The following CYB5R4 variants were observed in gnomAD, a reference collection of about 807,000 sequenced individuals.
The protein encoded by CYB5R4 is cytochrome b5 reductase 4.
In CYB5R4, 55 loss-of-function variants were observed where a neutral mutation model predicts 70.2. That is an observed-to-expected ratio of 0.78 (90% CI 0.63 to 0.98). The LOEUF (loss-of-function observed/expected upper bound fraction) is 0.98. Among genes scored for constraint, CYB5R4 ranks in the 50% least tolerant of loss-of-function variants. CYB5R4 has a pLI of 0.00. For missense variants in CYB5R4, 562 were observed against 612.6 expected (o/e 0.92, Z 0.87); for synonymous variants, 197 against 199.5 (o/e 0.99, Z 0.11).
chr6:83,891,222 C>T (rs187906085), intron 2 of CYB5R4, among the ~76,000 whole-genome samples: 2 of 152,282 alleles, frequency 1.3e-5, no homozygotes, highest in Admixed American at 1.3e-4. Flanking sequence ...ACTGGGATTA[C>T]AGGCATAAGC....
In CYB5R4 at chr6:83,933,048, T is replaced by TA. The variant is rs544333276; in HGVS notation, c.815-1546dup. Among the ~76,000 whole-genome samples, 398 of 152,336 alleles carry TA rather than the reference T, an allele frequency of 2.6e-3. 2 individuals are homozygous for TA. The highest frequency in any genetic ancestry group is 4.7e-3 in the Non-Finnish European group (318 of 68,030). On this transcript the variant is annotated intron_variant, in intron 10 of 15. Transcript: ENST00000369681. ...TATACATATATAGTATGTGGGTCTC[T>TA]AGTTGTATTCTTACTGTAGGTTCCA... is the stretch of plus-strand genomic sequence containing the variant.
At chr6:83,884,810 A>G (rs1259812069) in intron 2 of CYB5R4, among the ~76,000 whole-genome samples, 2 of 152,200 alleles carry the variant, frequency 1.3e-5, no homozygotes, top group Non-Finnish European at 2.9e-5. Flanking sequence ...ATACTGGCAT[A>G]ATATTTGGTA....
rs1245390077 is a variant in CYB5R4 at position 83,936,254 on chromosome 6, T to A, written c.986T>A (p.Val329Glu). Residue 329 changes from valine to glutamate, a missense_variant, in exon 12 of 16, where the codon GTA (valine) becomes GAA (glutamate). Coordinates refer to ENST00000369681, the MANE Select transcript of CYB5R4 (RefSeq NM_016230.4). ...GTEIVKPYTP[V>E]SGSLLSEFKE... ...GAAATAGTAAAGCCATATACACCTG[T>A]ATCTGGTTCCTTACTCTCAGAGTTC... The A allele has an allele frequency of 6.2e-7, 1 of 1,602,964 alleles. No homozygotes were observed. Among genetic ancestry groups the A allele is most frequent in the East Asian group, 2.2e-5 (1 of 44,574 alleles).
intron 15 of CYB5R4, among the ~76,000 whole-genome samples, chr6:83,958,015 A>T (rs571309238): frequency 1.6e-4 from 25 of 151,924 alleles, no homozygotes; most frequent in Non-Finnish European, 3.1e-4. Flanking sequence ...TGTGATGTCC[A>T]CTCCTAGAGT....
chr6:83,915,461 C>T (rs890913935), intron 5 of CYB5R4, among the ~76,000 whole-genome samples: 1 of 152,072 alleles, frequency 6.6e-6, no homozygotes, highest in African/African-American at 2.4e-5. Flanking sequence ...TCTTTGGTTT[C>T]GTCTGATGAT....
intron 2 of CYB5R4, among the ~76,000 whole-genome samples, chr6:83,878,351 A>AG (rs1293768212): frequency 2.2e-3 from 311 of 140,686 alleles, no homozygotes; most frequent in African/African-American, 9.1e-3. Flanking sequence ...TGTGTTTTGT[A>AG]AATTTTTTTT....
intron 2 of CYB5R4, among the ~76,000 whole-genome samples, chr6:83,873,396 C>A (rs1309536205): frequency 6.6e-6 from 1 of 151,594 alleles, no homozygotes; most frequent in Non-Finnish European, 1.5e-5. Context: ...CCGATCACCA[C>A]ACTCGGCTAA....
chr6:83,893,553 G>T lies in CYB5R4; in HGVS notation c.261G>T (p.Glu87Asp), dbSNP rs376929600. The change falls in exon 3 of 16, where the codon GAG (glutamate) becomes GAT (aspartate). Residue 87 changes from glutamate to aspartate, a missense_variant. By Grantham distance (45) the Glu-to-Asp change is conservative (BLOSUM62 2). Transcript: ENST00000369681. The stretch of plus-strand genomic sequence containing the variant: ...TTTATAATGTCAGCCCTTATATGGA[G>T]TATCATCCTGGTGGAGAAGATGAAC... The part of the protein sequence containing the change: ...GFVYNVSPYM[E>D]YHPGGEDELM... 6.2e-7 allele frequency: 1 copy of T among 1,612,712 alleles called. No individual in the cohort carries two copies. The highest frequency in any genetic ancestry group is 1.7e-5 in the Admixed American group (1 of 59,932).
At chr6:83,959,374 A>T (rs1322926847) in intron 15 of CYB5R4, among the ~76,000 whole-genome samples, 1 of 152,168 alleles carries the variant, frequency 6.6e-6, no homozygotes, top group Non-Finnish European at 1.5e-5. Flanking sequence ...AAATATGAGG[A>T]CATAAAGACA....
chr6:83,884,683 G>A (rs998079699), intron 2 of CYB5R4, among the ~76,000 whole-genome samples: 1 of 152,096 alleles, frequency 6.6e-6, no homozygotes, highest in Admixed American at 6.5e-5. Context: ...CAATCGACCT[G>A]TGCATTTCAA....
At chr6:83,861,377 G>A (rs887204468) in intron 1 of CYB5R4, among the ~76,000 whole-genome samples, 2 of 152,182 alleles carry the variant, frequency 1.3e-5, no homozygotes, top group Admixed American at 6.5e-5. Flanking sequence ...GGATGAAATG[G>A]GTAGAGGTTG....
intron 10 of CYB5R4, among the ~76,000 whole-genome samples, chr6:83,929,863 A>T (rs1284873926): frequency 2.0e-5 from 3 of 150,568 alleles, no homozygotes; most frequent in Non-Finnish European, 4.4e-5. Flanking sequence ...AACAAGATTT[A>T]AAAAAAAAAT....
intron 3 of CYB5R4, among the ~76,000 whole-genome samples, chr6:83,900,542 G>T (rs1003250937): frequency 2.6e-5 from 4 of 151,778 alleles, no homozygotes; most frequent in African/African-American, 9.7e-5. Context: ...CTGTCTCATT[G>T]ATCTGTCTAA....
In CYB5R4 at chr6:83,909,056, T is replaced by A. The variant is rs1235824119; in HGVS notation, c.378T>A (p.Val126=). The change falls in exon 4 of 16, where the codon GTT becomes GTA. Residue 126 remains valine (V), a synonymous_variant. Transcript: ENST00000369681. ...NYESMLKECL[V]GRMAIKPAVL... is the part of the protein sequence containing the mutation. Reference sequence around the variant, plus strand: ...AATCCATGCTGAAAGAATGCCTGGTTGGCAGAATGGCCATTAAACCTGCTG... The same window carrying A: ...AATCCATGCTGAAAGAATGCCTGGTAGGCAGAATGGCCATTAAACCTGCTG... 1 of 1,613,896 alleles carries A rather than the reference T, an allele frequency of 6.2e-7. No homozygotes were observed. Among genetic ancestry groups the A allele is most frequent in the Non-Finnish European group, 8.5e-7 (1 of 1,179,918 alleles).
At chr6:83,934,026 T>A (rs1403307972) in intron 10 of CYB5R4, among the ~76,000 whole-genome samples, 1 of 152,202 alleles carries the variant, frequency 6.6e-6, no homozygotes, top group Non-Finnish European at 1.5e-5. Context: ...GTCAAAGAGA[T>A]ATTCTAAAAT....
chr6:83,940,308 A>T (rs1351764705), intron 13 of CYB5R4, 102 bp downstream of exon 13: 1 of 1,183,616 alleles, frequency 8.4e-7, no homozygotes, highest in Non-Finnish European at 1.2e-6. Flanking sequence ...ACATGTTACC[A>T]TTTCCTCATT....
chr6:83,940,499 T>G lies in CYB5R4; in HGVS notation c.1260-16T>G. 3 of 1,560,622 alleles carry G rather than the reference T, an allele frequency of 1.9e-6. No homozygotes were observed. In the Admixed American group the frequency reaches 6.6e-5, roughly 34 times the overall value. On this transcript the variant is annotated splice_polypyrimidine_tract_variant and intron_variant, in intron 13 of 15. Coordinates refer to ENST00000369681, the MANE Select transcript of CYB5R4 (RefSeq NM_016230.4). ...TAATTAATTAGTTATTTCTGAGTTT[T>G]TTTTTTTCTCTTAAGGAAAGTGAAG...
chr6:83,942,760 C>T (rs1225143828), intron 14 of CYB5R4, among the ~76,000 whole-genome samples: 3 of 152,018 alleles, frequency 2.0e-5, no homozygotes, highest in Non-Finnish European at 4.4e-5. Context: ...TGATGGGGGA[C>T]ACTTGAGCCT....
rs537676066 is a variant in CYB5R4 at position 83,924,595 on chromosome 6, AT to A, written c.814+4del. The A allele has an allele frequency of 1.5e-4, 234 of 1,611,488 alleles. No individual in the cohort carries two copies. The highest frequency in any genetic ancestry group is 1.7e-4 in the Non-Finnish European group (195 of 1,178,918). On this transcript the variant is annotated splice_donor_region_variant and intron_variant, in intron 10 of 15. Coordinates refer to ENST00000369681, the MANE Select transcript of CYB5R4 (RefSeq NM_016230.4). The stretch of plus-strand genomic sequence containing the variant: ...ACTTATTCCAAGGAAAGATACAGGT[AT>A]GCTGTGTTCTTTTGTTACGTTAATT...
Sources: gnomAD v4.1 joint callset for allele counts (sites outside exome capture counted in the v4.1 genomes callset) on GRCh38, gnomAD v4.1.1 for gene constraint, MANE v1.5 for transcripts, NCBI Gene and HGNC (gene_info 2026-07-23, HGNC 2026-07-21) for gene names.